The following TMEM131L variants were observed in gnomAD, a reference collection of about 807,000 sequenced individuals.
TMEM131L encodes transmembrane 131 like, also known as transmembrane protein 131-like.
Under a neutral mutation model 192.2 loss-of-function variants are expected in TMEM131L, and 54 were observed. The observed-to-expected ratio is 0.28, with a 90% confidence interval of 0.23 to 0.35. The LOEUF is 0.35. TMEM131L is among the 10% of genes least tolerant of loss of function. The pLI is 1.00. For synonymous variants in TMEM131L, 701 were observed against 704.9 expected (o/e 0.99, Z 0.09); for missense variants, 1,888 against 1,972.9 (o/e 0.96, Z 0.82).
chr4:153,536,681 AT>A (rs1216769571), intron 3 of TMEM131L, among the ~76,000 whole-genome samples: 1 of 152,106 alleles, frequency 6.6e-6, no homozygotes, highest in Non-Finnish European at 1.5e-5. Context: ...CGATCGATCT[AT>A]CTAGCTATCT....
chr4:153,567,586 C>T (rs958796043), intron 7 of TMEM131L, among the ~76,000 whole-genome samples: 3 of 151,564 alleles, frequency 2.0e-5, no homozygotes, highest in Non-Finnish European at 4.4e-5. Flanking sequence ...CTCTTGTCAC[C>T]CAGGCTGGAG....
chr4:153,573,530 C>G (rs572116844), intron 7 of TMEM131L, among the ~76,000 whole-genome samples: 2 of 152,312 alleles, frequency 1.3e-5, no homozygotes, highest in Non-Finnish European at 2.9e-5. Context: ...AGCTGCCAGC[C>G]CAGGTTGTAA....
intron 27 of TMEM131L, 147 bp from the exon 28 acceptor site, chr4:153,621,536 A>C: frequency 1.4e-6 from 1 of 695,672 alleles, no homozygotes; most frequent in Non-Finnish European, 2.4e-6. Flanking sequence ...TCTGCTCATC[A>C]TACTCTTCCA....
chr4:153,539,341 GTTATA>G (rs1240342425), intron 3 of TMEM131L, among the ~76,000 whole-genome samples: 1 of 152,128 alleles, frequency 6.6e-6, no homozygotes, highest in Non-Finnish European at 1.5e-5. Context: ...TGACAGTGGG[GTTATA>G]TTATATAAGT....
chr4:153,617,868 T>TG (rs1733102807), intron 26 of TMEM131L, among the ~76,000 whole-genome samples: 3 of 152,030 alleles, frequency 2.0e-5, no homozygotes, highest in Admixed American at 2.0e-4. Context: ...TCGTGGTTTT[T>TG]TTTTTTTTTG....
intron 5 of TMEM131L, among the ~76,000 whole-genome samples, chr4:153,556,242 T>C (rs1218012701): frequency 1.3e-5 from 2 of 152,124 alleles, no homozygotes; most frequent in African/African-American, 4.8e-5. Context: ...TGACTCCAAA[T>C]TCTGAGGCAT....
At chr4:153,527,799 G>A (rs1735605757) in intron 3 of TMEM131L, among the ~76,000 whole-genome samples, 1 of 152,192 alleles carries the variant, frequency 6.6e-6, no homozygotes, top group Admixed American at 6.5e-5. Context: ...TGAGCCTGGA[G>A]TGTCATCTTG....
intron 3 of TMEM131L, among the ~76,000 whole-genome samples, chr4:153,533,668 T>C (rs185104871): frequency 2.0e-5 from 3 of 152,322 alleles, no homozygotes; most frequent in Non-Finnish European, 1.5e-5. Context: ...GACCTCCTCT[T>C]ACAGTCCTGT....
At chr4:153,598,897 G>A (rs762204378) in intron 21 of TMEM131L, among the ~76,000 whole-genome samples, 165 bp downstream of exon 21, 1 of 152,120 alleles carries the variant, frequency 6.6e-6, no homozygotes, top group Non-Finnish European at 1.5e-5. Context: ...GCAAACATTT[G>A]TGCATATATA....
At chr4:153,569,819 T>C (rs1317035496) in intron 7 of TMEM131L, among the ~76,000 whole-genome samples, 1 of 152,206 alleles carries the variant, frequency 6.6e-6, no homozygotes, top group African/African-American at 2.4e-5. Context: ...CTTAATCACT[T>C]AACTTTTAAA....
At chr4:153,624,867 T>C (rs1180685914) in intron 29 of TMEM131L, among the ~76,000 whole-genome samples, 1 of 152,220 alleles carries the variant, frequency 6.6e-6, no homozygotes. Flanking sequence ...CAGTGAGACC[T>C]TAAAAGAAAG....
At chr4:153,550,209 C>A (rs937648903) in intron 4 of TMEM131L, 68 bp downstream of exon 4, 5 of 606,230 alleles carry the variant, frequency 8.2e-6, no homozygotes, top group Non-Finnish European at 1.1e-5. Context: ...ATTTTTTTTA[C>A]ATATATGTAC....
intron 2 of TMEM131L, among the ~76,000 whole-genome samples, chr4:153,467,644 A>C (rs2149694642): frequency 6.6e-6 from 1 of 152,348 alleles, no homozygotes; most frequent in Non-Finnish European, 1.5e-5. Context: ...CAACAGGAGT[A>C]TTGATTTCAT....
At chr4:153,600,253 G>T (rs1042791982) in intron 21 of TMEM131L, among the ~76,000 whole-genome samples, 1 of 151,922 alleles carries the variant, frequency 6.6e-6, no homozygotes, top group Admixed American at 6.6e-5. Context: ...TGTAGTCCCA[G>T]TTAGTCAGGA....
intron 1 of TMEM131L, 102 bp from the exon 2 acceptor site, chr4:153,467,109 G>C (rs1730813346): frequency 9.9e-6 from 11 of 1,106,810 alleles, no homozygotes; most frequent in African/African-American, 3.1e-5. Context: ...AAAAAGAGAC[G>C]TGTTTTGGTG....
chr4:153,547,807 G>A (rs1344357580), intron 3 of TMEM131L, among the ~76,000 whole-genome samples: 2 of 152,196 alleles, frequency 1.3e-5, no homozygotes, highest in African/African-American at 2.4e-5. Context: ...GATCTGGATT[G>A]GAATTTGGGC....
intron 5 of TMEM131L, among the ~76,000 whole-genome samples, 159 bp downstream of exon 5, chr4:153,556,069 A>G (rs1728414556): frequency 8.9e-6 from 1 of 112,490 alleles, no homozygotes; most frequent in African/African-American, 3.4e-5. Context: ...TTACTTTTCC[A>G]GTTGCTCATT....
chr4:153,467,458 C>T lies in TMEM131L; in HGVS notation c.195+177C>T, dbSNP rs913328605. ...GGCAACGGTGGCCTTCCCGGCTCCT[C>T]CCACGCCATGTGACAGGGCCTGAGG... On this transcript the variant is annotated intron_variant, in intron 2 of 34. Coordinates refer to ENST00000409959, the MANE Select transcript of TMEM131L (RefSeq NM_001131007.2). Among the ~76,000 whole-genome samples, 41 of 152,338 alleles carry T rather than the reference C, an allele frequency of 2.7e-4. 1 individual carries two copies. The highest frequency in any genetic ancestry group is 2.5e-3 in the Admixed American group (38 of 15,306).
intron 27 of TMEM131L, 101 bp downstream of exon 27, chr4:153,620,981 C>A: frequency 5.1e-6 from 4 of 777,992 alleles, no homozygotes; most frequent in Admixed American, 5.6e-5. Flanking sequence ...ATATTAGATA[C>A]CGATAATATG....
Sources: allele counts gnomAD v4.1 joint callset (sites outside exome capture counted in the v4.1 genomes callset), GRCh38; gene constraint gnomAD v4.1.1; transcripts MANE v1.5; gene names NCBI Gene and HGNC (gene_info 2026-07-23, HGNC 2026-07-21).